Variants in SYCP2L observed in about 807,000 individuals in gnomAD.
The protein encoded by SYCP2L is synaptonemal complex protein 2 like.
A neutral mutation model predicts 125.8 loss-of-function variants in SYCP2L; 98 were observed. The observed-to-expected ratio is 0.78, with a 90% confidence interval of 0.66 to 0.92. SYCP2L has a LOEUF of 0.92. SYCP2L is among the 40% of genes least tolerant of loss of function. The probability of loss-of-function intolerance (pLI) is 0.00; values close to 1 mark genes in which losing one functional copy is unlikely to be tolerated. For synonymous variants in SYCP2L, 317 were observed against 325.4 expected, an observed-to-expected ratio of 0.97 and a Z score of 0.28; for missense variants, 842 against 936.4, an observed-to-expected ratio of 0.90 and a Z score of 1.32.
In SYCP2L at chr6:10,957,488, G is replaced by C. The variant is rs568640890; in HGVS notation, c.2163+1246G>C. On this transcript the variant is annotated intron_variant, in intron 25 of 29. Coordinates refer to ENST00000283141, the MANE Select transcript of SYCP2L (RefSeq NM_001040274.3). ...ATTTGGTCACAGTGATAGACAAGGA[G>C]GAGGGGAAGGATGGAACCAAGTGGG... Among the ~76,000 whole-genome samples, 80 of 152,260 alleles carry C rather than the reference G, an allele frequency of 5.3e-4. 2 individuals are homozygous for C. In the South Asian group the frequency reaches 0.016, roughly 31 times the overall value.
chr6:10,948,189 G>A (rs1781348984), intron 23 of SYCP2L, among the ~76,000 whole-genome samples: 1 of 152,076 alleles, frequency 6.6e-6, no homozygotes, highest in African/African-American at 2.4e-5. Flanking sequence ...TTGTGTGTGT[G>A]TATGCGTGTG....
intron 6 of SYCP2L, among the ~76,000 whole-genome samples, chr6:10,901,600 T>G (rs1450314406): frequency 6.6e-6 from 1 of 152,196 alleles, no homozygotes; most frequent in Non-Finnish European, 1.5e-5. Flanking sequence ...AGAGGGTGTT[T>G]GGCGGCATCC....
chr6:10,938,455 C>G (rs969615341), intron 21 of SYCP2L, among the ~76,000 whole-genome samples: 4 of 152,166 alleles, frequency 2.6e-5, no homozygotes, highest in African/African-American at 9.7e-5. Context: ...GCATTCCACT[C>G]AATGGTGAAA....
chr6:10,908,583 A>G (rs1041884011), intron 10 of SYCP2L, among the ~76,000 whole-genome samples: 1 of 152,228 alleles, frequency 6.6e-6, no homozygotes, highest in African/African-American at 2.4e-5. Context: ...AGTTTTTAAA[A>G]TGAGGGTTAG....
At chr6:10,928,697 C>G (rs1461117219) in intron 18 of SYCP2L, among the ~76,000 whole-genome samples, 1 of 152,148 alleles carries the variant, frequency 6.6e-6, no homozygotes, top group Non-Finnish European at 1.5e-5. Flanking sequence ...GCCACCACGC[C>G]TGGCTTATTT....
intron 21 of SYCP2L, among the ~76,000 whole-genome samples, chr6:10,940,126 C>T (rs1041426388): frequency 2.0e-5 from 3 of 152,104 alleles, no homozygotes; most frequent in African/African-American, 7.2e-5. Flanking sequence ...CAAATCAAAA[C>T]CATAATGTGA....
chr6:10,892,728 G>A (rs557330515), intron 2 of SYCP2L, among the ~76,000 whole-genome samples: 3 of 152,232 alleles, frequency 2.0e-5, no homozygotes, highest in Non-Finnish European at 4.4e-5. Context: ...CCGTGGTAAG[G>A]ATTAAATAAT....
At position 10,891,602 on chromosome 6, in the gene SYCP2L, A is replaced by G. The variant is rs780860155; in HGVS notation, c.78+21A>G. On this transcript the variant is annotated intron_variant, in intron 2 of 29. Coordinates refer to ENST00000283141, the MANE Select transcript of SYCP2L (RefSeq NM_001040274.3). ...TCTGGGTAAAGATCAAGTTTCTTTTATAATCTCTCTCTGTGTGTGTGTGTG... is the reference window on the plus strand; with the variant it reads ...TCTGGGTAAAGATCAAGTTTCTTTTGTAATCTCTCTCTGTGTGTGTGTGTG... The G allele has an allele frequency of 5.6e-6, 7 of 1,252,602 alleles. No homozygotes were observed. In the Admixed American group the frequency reaches 7.7e-5, roughly 14 times the overall value. 77.6% of individuals were successfully genotyped at this position (1,252,602 alleles called of 1,614,324 possible).
At chr6:10,908,719 C>A (rs1780552005) in intron 10 of SYCP2L, among the ~76,000 whole-genome samples, 1 of 152,166 alleles carries the variant, frequency 6.6e-6, no homozygotes, top group Non-Finnish European at 1.5e-5. Context: ...AGACTCTGAG[C>A]CTACTGTCAT....
chr6:10,942,556 C>G, intron 22 of SYCP2L, 27 bp downstream of exon 22: 1 of 1,588,562 alleles, frequency 6.3e-7, no homozygotes, highest in Non-Finnish European at 8.6e-7. Context: ...GGTTATTCAT[C>G]TGATTTTCCA....
chr6:10,911,544 T>C (rs1224759337), intron 12 of SYCP2L, among the ~76,000 whole-genome samples: 7 of 152,214 alleles, frequency 4.6e-5, no homozygotes, highest in Admixed American at 3.9e-4. Context: ...TTTCAGCTCA[T>C]GGCTACACTA....
intron 20 of SYCP2L, among the ~76,000 whole-genome samples, chr6:10,934,777 C>T (rs75788404): frequency 0.019 from 2,896 of 152,232 alleles, 111 homozygotes; most frequent in African/African-American, 0.066. Flanking sequence ...TCTCTTTTTA[C>T]CTAACAGAAT....
In SYCP2L at chr6:10,902,669, A is replaced by G. The variant is rs150310824; in HGVS notation, c.467-8A>G. ...CATAAATTTGATGCTTTGAAATTAT[A>G]CTTTCAGGGAAAATTCAGATGTTGG... On this transcript the variant is annotated splice_polypyrimidine_tract_variant and splice_region_variant and intron_variant, in intron 6 of 29. Transcript: ENST00000283141. The G allele has an allele frequency of 3.0e-3, 4,873 of 1,611,124 alleles. 12 individuals carry two copies. Among genetic ancestry groups the G allele is most frequent in the Middle Eastern group, 4.1e-3 (25 of 6,058 alleles).
At chr6:10,910,411 T>C (rs1378737658) in intron 11 of SYCP2L, among the ~76,000 whole-genome samples, 2 of 152,214 alleles carry the variant, frequency 1.3e-5, no homozygotes, top group African/African-American at 4.8e-5. Flanking sequence ...ATTACCTCTA[T>C]CAGTTTTATT....
In SYCP2L at chr6:10,954,416, G is replaced by T. The variant is rs1471877067; in HGVS notation, c.1955-700G>T. Among the ~76,000 whole-genome samples the T allele has an allele frequency of 6.6e-6, 1 of 152,146 alleles. No individual in the cohort carries two copies. Among genetic ancestry groups the T allele is most frequent in the Admixed American group, 6.5e-5 (1 of 15,272 alleles). On this transcript the variant is annotated intron_variant, in intron 23 of 29. Coordinates refer to ENST00000283141, the MANE Select transcript of SYCP2L (RefSeq NM_001040274.3). This position sits in a 1 kb window ranked among gnomAD's most constrained non-coding sequence, Gnocchi z 4.8. The stretch of plus-strand genomic sequence containing the variant: ...TTGGGCAGGAACTCAGAGAGGGAGG[G>T]ATTCATTCCATAGGCAGAACCTTGA...
Position 10,954,155 on chromosome 6 carries a change from A to G in SYCP2L, c.1955-961A>G, listed in dbSNP as rs1781459218. Among the ~76,000 whole-genome samples the G allele has an allele frequency of 6.6e-6, 1 of 152,234 alleles. No individual in the cohort carries two copies. The highest frequency in any genetic ancestry group is 2.4e-5 in the African/African-American group (1 of 41,470). On this transcript the variant is annotated intron_variant, in intron 23 of 29. Coordinates refer to ENST00000283141, the MANE Select transcript of SYCP2L (RefSeq NM_001040274.3). This position sits in a 1 kb window ranked among gnomAD's most constrained non-coding sequence, Gnocchi z 4.8. ...TCCAGAACTTTCAGAGAGAAAAACC[A>G]ACAGCAACTAGACAGGCATGTGACA...
At chr6:10,935,591 C>G (rs1407149307) in intron 21 of SYCP2L, among the ~76,000 whole-genome samples, 2 of 151,934 alleles carry the variant, frequency 1.3e-5, no homozygotes, top group Non-Finnish European at 2.9e-5. Context: ...ATGGTGTGCT[C>G]CTGGCTCACT....
chr6:10,905,202 G>A (rs1209390743), intron 8 of SYCP2L, among the ~76,000 whole-genome samples: 7 of 143,246 alleles, frequency 4.9e-5, no homozygotes, highest in African/African-American at 1.8e-4. Flanking sequence ...GCATTTATTT[G>A]AAATTCTGAG....
chr6:10,967,573 CTATT>C (rs376434897), intron 29 of SYCP2L, among the ~76,000 whole-genome samples: 1 of 150,804 alleles, frequency 6.6e-6, no homozygotes, highest in African/African-American at 2.4e-5. Flanking sequence ...ATTTAAGAAT[CTATT>C]AATTTATTTT....
Sources: gnomAD v4.1 joint callset for allele counts (sites outside exome capture counted in the v4.1 genomes callset) on GRCh38, gnomAD v4.1.1 for gene constraint, Gnocchi (gnomAD v3.1) non-coding constraint, MANE v1.5 for transcripts, NCBI Gene and HGNC (gene_info 2026-07-23, HGNC 2026-07-21) for gene names.